TRIM45: variants seen among roughly 807,000 people sequenced by gnomAD.
The protein encoded by TRIM45 is tripartite motif containing 45.
Under a neutral mutation model 46.7 loss-of-function variants are expected in TRIM45, and 45 were observed. The ratio of observed to expected loss-of-function variants is 0.96; its 90% CI spans 0.76 to 1.24. The LOEUF is 1.24. Among genes scored for constraint, TRIM45 ranks in the 50% most tolerant of loss-of-function variants. The pLI is 0.00. For synonymous variants in TRIM45, 259 were observed against 285.8 expected, an observed-to-expected ratio of 0.91 and a Z score of 0.94; for missense variants, 680 against 728.4, an observed-to-expected ratio of 0.93 and a Z score of 0.77.
rs1570912969 is a variant in TRIM45, at chr1:117,115,790, A to G, written c.1353-101T>C. The G allele has an allele frequency of 1.4e-6, 1 of 729,100 alleles. No homozygotes were observed. Among genetic ancestry groups the G allele is most frequent in the East Asian group, 2.6e-5 (1 of 38,128 alleles). The allele number at this position is 729,100 out of a possible 1,614,324, so 45.2% of individuals were successfully genotyped here. Reference sequence around the variant, plus strand: ...CTCTACACCATCCCATTCAGTATTAATGTTAAATATACCCAAACAGGATGC... The same window carrying G: ...CTCTACACCATCCCATTCAGTATTAGTGTTAAATATACCCAAACAGGATGC... On this transcript the variant is annotated intron_variant, in intron 3 of 5. Coordinates refer to ENST00000256649, the MANE Select transcript of TRIM45 (RefSeq NM_025188.4). This position sits in a 1 kb window ranked among gnomAD's most constrained non-coding sequence, Gnocchi z 4.2.
Position 117,112,319 on chromosome 1 carries a change from T to G in TRIM45, c.1729A>C (p.Thr577Pro). ...GQSAPRSLLR[T>P]VAL The stretch of plus-strand genomic sequence containing the variant: ...GCACAAACCCATCAGAGAGCCACAG[T>G]CCTAAGTAGACTCCTCGGTGCGCTC... The change falls in exon 6 of 6, where the codon ACT becomes CCT. Residue 577 changes from threonine to proline, a missense_variant. Around this residue, in one of 3 missense-constraint regions of TRIM45, gnomAD observed 322 missense variants for 359.3 expected, o/e 0.90. Coordinates refer to ENST00000256649, the MANE Select transcript of TRIM45 (RefSeq NM_025188.4). The G allele has an allele frequency of 1.2e-6, 2 of 1,610,622 alleles. No individual in the cohort carries two copies. Among genetic ancestry groups the G allele is most frequent in the South Asian group, 2.2e-5 (2 of 90,474 alleles).
chr1:117,114,887 G>A (rs573018328), intron 4 of TRIM45, among the ~76,000 whole-genome samples: 35 of 152,290 alleles, frequency 2.3e-4, no homozygotes, highest in African/African-American at 8.4e-4. Flanking sequence ...GTCCCTGTCA[G>A]TGTTGATTTC....
chr1:117,115,449 A>G lies in TRIM45; in HGVS notation c.1467+126T>C. ...GAGTAGCAAAATCTGGGCTGTTTCT[A>G]AAGTGAAGAAGAAGACATGGGGATT... On this transcript the variant is annotated intron_variant, in intron 4 of 5. Transcript: ENST00000256649. This position sits in a 1 kb window ranked among gnomAD's most constrained non-coding sequence, Gnocchi z 4.2. 1 of 698,420 alleles carries G rather than the reference A, an allele frequency of 1.4e-6. No individual in the cohort carries two copies. The highest frequency in any genetic ancestry group is 2.7e-5 in the East Asian group (1 of 37,650). 43.3% of individuals were successfully genotyped at this position (698,420 alleles called of 1,614,324 possible). A position where few individuals can be genotyped will look rare whatever the true frequency, so the allele number is the denominator to read the frequency against.
chr1:117,114,674 C>T (rs1281472264), intron 4 of TRIM45, among the ~76,000 whole-genome samples: 1 of 152,222 alleles, frequency 6.6e-6, no homozygotes, highest in Non-Finnish European at 1.5e-5. Flanking sequence ...TATTTTAATG[C>T]AAGTTTGGTG....
chr1:117,116,601 T>C lies in TRIM45; in HGVS notation c.1352+15A>G, dbSNP rs1183065191. 1.9e-6 allele frequency: 3 copies of C among 1,612,548 alleles called. No homozygotes were observed. Among genetic ancestry groups the C allele is most frequent in the African/African-American group, 1.3e-5 (1 of 74,852 alleles). ...ACTGCCTGTTATCCATGACACCTAA[T>C]TGTGTCATACAAACCTGTCTTTCTT... is the stretch of plus-strand genomic sequence containing the variant. On this transcript the variant is annotated intron_variant, in intron 3 of 5. Coordinates refer to ENST00000256649, the MANE Select transcript of TRIM45 (RefSeq NM_025188.4). This position sits in a 1 kb window ranked among gnomAD's most constrained non-coding sequence, Gnocchi z 4.6.
upstream of TRIM45, chr1:117,122,140 G>T (rs1393182445): frequency 1.7e-5 from 5 of 291,596 alleles, no homozygotes; most frequent in Non-Finnish European, 2.6e-5. Context: ...TCCCACGAAC[G>T]CAGACTGGGT....
At position 117,118,010 on chromosome 1, in the gene TRIM45, T is replaced by C. The variant is rs184187672; in HGVS notation, c.1222+24A>G. ...ACCTCCCTGTCCACTGCCCTCTCAATGTCAATGGGAAATGCCTTCCTACCT... is the reference window on the plus strand; with the variant it reads ...ACCTCCCTGTCCACTGCCCTCTCAACGTCAATGGGAAATGCCTTCCTACCT... On this transcript the variant is annotated intron_variant, in intron 2 of 5. Coordinates refer to ENST00000256649, the MANE Select transcript of TRIM45 (RefSeq NM_025188.4). The surrounding 1 kb of genome is among the most constrained non-coding windows in gnomAD (Gnocchi z 5.7). The C allele has an allele frequency of 2.6e-4, 415 of 1,598,270 alleles. 1 individual carries two copies. Among genetic ancestry groups the C allele is most frequent in the Admixed American group, 1.9e-3 (112 of 59,108 alleles).
chr1:117,112,562 T>A lies in TRIM45; in HGVS notation c.1595-109A>T, dbSNP rs2296446. On this transcript the variant is annotated intron_variant, in intron 5 of 5. Transcript: ENST00000256649. ...CTGGCAACATGCAGATTCATGGGAG[T>A]GAAAATATCTAAGAAAATCTTGGCA... 0.03 allele frequency: 32,209 copies of A among 1,086,398 alleles called. 808 individuals carry two copies. Among genetic ancestry groups the A allele is most frequent in the East Asian group, 0.1 (4,062 of 38,974 alleles). 67.3% of individuals were successfully genotyped at this position (1,086,398 alleles called of 1,614,324 possible).
In TRIM45 at chr1:117,116,756, T is replaced by TAA; in HGVS notation, c.1223-13_1223-12dup. On this transcript the variant is annotated splice_polypyrimidine_tract_variant and intron_variant, in intron 2 of 5. Coordinates refer to ENST00000256649, the MANE Select transcript of TRIM45 (RefSeq NM_025188.4). This position sits in a 1 kb window ranked among gnomAD's most constrained non-coding sequence, Gnocchi z 4.6. ...GGGCTCTGTGGAGGTCTGAAAAAGA[T>TAA]AAACACTCGGTCCTCACCTCGAATG... 1 of 1,613,958 alleles carries TAA rather than the reference T, an allele frequency of 6.2e-7. No homozygotes were observed. The highest frequency in any genetic ancestry group is 1.3e-5 in the African/African-American group (1 of 75,014).
At position 117,121,298 on chromosome 1, in the gene TRIM45, A is replaced by C; in HGVS notation, c.-97T>G. 2 of 1,424,986 alleles carry C rather than the reference A, an allele frequency of 1.4e-6. No homozygotes were observed. Among genetic ancestry groups the C allele is most frequent in the Non-Finnish European group, 1.9e-6 (2 of 1,068,966 alleles). The allele number at this position is 1,424,986 out of a possible 1,614,324, so 88.3% of individuals were successfully genotyped here. On this transcript the variant is annotated 5_prime_UTR_variant, in exon 1 of 6. Transcript: ENST00000256649. This position sits in a 1 kb window ranked among gnomAD's most constrained non-coding sequence, Gnocchi z 4.2. Reference sequence around the variant, plus strand: ...CCCACCCAAAGAGAAAGTCTCCAGAACTTGAACAGAGACCATGGGGACTCC... The same window carrying C: ...CCCACCCAAAGAGAAAGTCTCCAGACCTTGAACAGAGACCATGGGGACTCC...
At chr1:117,119,024 G>A (rs1650521547) in intron 1 of TRIM45, among the ~76,000 whole-genome samples, 1 of 152,260 alleles carries the variant, frequency 6.6e-6, no homozygotes, top group Non-Finnish European at 1.5e-5. Context: ...TGCCTATGCA[G>A]AAGGTTGCAA....
Position 117,121,699 on chromosome 1 carries a change from G to T in TRIM45, c.-498C>A. The T allele has an allele frequency of 1.8e-6, 1 of 559,552 alleles. No homozygotes were observed. Among genetic ancestry groups the T allele is most frequent in the Non-Finnish European group, 3.2e-6 (1 of 314,352 alleles). The allele number at this position is 559,552 out of a possible 1,614,324, so 34.7% of individuals were successfully genotyped here. ...TTGCAAGCCGCCGGCGGGCTTCTCG[G>T]TGTCCACCGCCTCTCCCGCGCCTCG... On this transcript the variant is annotated 5_prime_UTR_variant, in exon 1 of 6. Transcript: ENST00000256649. The surrounding 1 kb of genome is among the most constrained non-coding windows in gnomAD (Gnocchi z 4.2).
At chr1:117,121,986 T>G, upstream of TRIM45, 1 of 602,184 alleles carries the variant, frequency 1.7e-6, no homozygotes, top group African/African-American at 1.9e-5. This position sits in a 1 kb window ranked among gnomAD's most constrained non-coding sequence, Gnocchi z 4.2. Context: ...AGGCCAAGGC[T>G]CGGAGCGAGC....
In TRIM45 at chr1:117,118,306, A is replaced by G. The variant is rs564341449; in HGVS notation, c.950T>C (p.Leu317Pro). Residue 317 changes from leucine to proline, a missense_variant, in exon 2 of 6, where the codon CTG (leucine) becomes CCG (proline). Leu to Pro is a moderately conservative substitution (Grantham distance 98, BLOSUM62 -3). Around this residue, in one of 3 missense-constraint regions of TRIM45, gnomAD observed 322 missense variants for 359.3 expected, o/e 0.90. Transcript: ENST00000256649. The surrounding 1 kb of genome is among the most constrained non-coding windows in gnomAD (Gnocchi z 5.7). ...ENSLQLQKAQ[L>P]EQLLADMRTG... ...CCGCATGTCTGCCAGTAACTGTTCC[A>G]GCTGGGCCTTCTGCAGCTGCAGGGA... is the stretch of plus-strand genomic sequence containing the variant. The G allele has an allele frequency of 6.2e-6, 10 of 1,614,180 alleles. No homozygotes were observed. The highest frequency in any genetic ancestry group is 3.3e-5 in the South Asian group (3 of 91,086).
chr1:117,115,424 G>C lies in TRIM45; in HGVS notation c.1467+151C>G. 1 of 607,794 alleles carries C rather than the reference G, an allele frequency of 1.6e-6. No homozygotes were observed. The highest frequency in any genetic ancestry group is 2.9e-6 in the Non-Finnish European group (1 of 339,664). The allele number at this position is 607,794 out of a possible 1,614,324, so 37.7% of individuals were successfully genotyped here. A position where few individuals can be genotyped will look rare whatever the true frequency, so the allele number is the denominator to read the frequency against. On this transcript the variant is annotated intron_variant, in intron 4 of 5. Coordinates refer to ENST00000256649, the MANE Select transcript of TRIM45 (RefSeq NM_025188.4). This position sits in a 1 kb window ranked among gnomAD's most constrained non-coding sequence, Gnocchi z 4.2. The stretch of plus-strand genomic sequence containing the variant: ...CAACAGCATCCTCCAGGAAGAATAA[G>C]AGTAGCAAAATCTGGGCTGTTTCTA...
Position 117,121,143 on chromosome 1 carries a change from G to A in TRIM45, c.59C>T (p.Ala20Val). The A allele has an allele frequency of 6.2e-7, 1 of 1,606,556 alleles. No individual in the cohort carries two copies. Among genetic ancestry groups the A allele is most frequent in the Non-Finnish European group, 8.5e-7 (1 of 1,176,462 alleles). ...GFVSKLTSGT[A>V]LGNSGKTHCP... Reference sequence around the variant, plus strand: ...GTGAGTCTTGCCTGAGTTCCCAAGTGCAGTCCCACTAGTGAGTTTGCTTAC... The same window carrying A: ...GTGAGTCTTGCCTGAGTTCCCAAGTACAGTCCCACTAGTGAGTTTGCTTAC... The change falls in exon 1 of 6, where the codon GCA becomes GTA. Residue 20 changes from alanine to valine, a missense_variant. Ala to Val is a moderately conservative substitution (Grantham distance 64). Around this residue, in one of 3 missense-constraint regions of TRIM45, gnomAD observed 349 missense variants for 343.6 expected, o/e 1.02. Coordinates refer to ENST00000256649, the MANE Select transcript of TRIM45 (RefSeq NM_025188.4). The surrounding 1 kb of genome is among the most constrained non-coding windows in gnomAD (Gnocchi z 4.2).
Position 117,112,502 on chromosome 1 carries a change from G to A in TRIM45, c.1595-49C>T, listed in dbSNP as rs374517171. The A allele has an allele frequency of 2.5e-5, 37 of 1,509,806 alleles. No individual in the cohort carries two copies. The East Asian group carries it at 5.3e-4, about 22-fold the overall frequency. 93.5% of individuals were successfully genotyped at this position (1,509,806 alleles called of 1,614,324 possible). A position where few individuals can be genotyped will look rare whatever the true frequency, so the allele number is the denominator to read the frequency against. On this transcript the variant is annotated intron_variant, in intron 5 of 5. Coordinates refer to ENST00000256649, the MANE Select transcript of TRIM45 (RefSeq NM_025188.4). ...ACAAAAATCAACCATTAGCGTGGAG[G>A]CCAGCAGTTACCATTATCATGGAAA...
chr1:117,123,310 A>G (rs754634139), upstream of TRIM45, among the ~76,000 whole-genome samples: 7 of 152,106 alleles, frequency 4.6e-5, no homozygotes, highest in Non-Finnish European at 7.4e-5. Flanking sequence ...GGTTTGCTAT[A>G]TATTCTTGCT....
intron 1 of TRIM45, among the ~76,000 whole-genome samples, chr1:117,120,358 T>C (rs1004282502): frequency 6.6e-6 from 1 of 152,168 alleles, no homozygotes; most frequent in Non-Finnish European, 1.5e-5. Flanking sequence ...TCTGTAAGAG[T>C]TGCAAGATCG....
Sources: allele counts gnomAD v4.1 joint callset (sites outside exome capture counted in the v4.1 genomes callset), GRCh38; gene constraint gnomAD v4.1.1; regional missense constraint gnomAD v4.1.1; non-coding constraint Gnocchi (gnomAD v3.1); transcripts MANE v1.5; gene names NCBI Gene and HGNC (gene_info 2026-07-23, HGNC 2026-07-21).